Variants in STXBP4 observed in about 807,000 individuals in gnomAD.
STXBP4 encodes syntaxin binding protein 4.
A neutral mutation model predicts 76.1 loss-of-function variants in STXBP4; 55 were observed. That is an observed-to-expected ratio of 0.72 (90% CI 0.58 to 0.91). The LOEUF is 0.91. Ranked by LOEUF, STXBP4 falls within the 40% of genes least tolerant of loss-of-function variation. The probability of loss-of-function intolerance (pLI) is 0.00; values close to 1 mark genes in which losing one functional copy is unlikely to be tolerated. For synonymous variants in STXBP4, 201 were observed against 220.2 expected (o/e 0.91, Z 0.77); for missense variants, 618 against 636.9 (o/e 0.97, Z 0.32).
chr17:55,009,488 T>C (rs927669806), intron 8 of STXBP4, among the ~76,000 whole-genome samples: 1 of 152,214 alleles, frequency 6.6e-6, no homozygotes, highest in African/African-American at 2.4e-5. Context: ...CACATGATAT[T>C]ATTTTTAATC....
At chr17:55,140,468 C>CA (rs979993166) in intron 16 of STXBP4, among the ~76,000 whole-genome samples, 2 of 152,024 alleles carry the variant, frequency 1.3e-5, no homozygotes, top group Non-Finnish European at 2.9e-5. Context: ...AGAACTCATC[C>CA]AAAAATTGGA....
intron 9 of STXBP4, 58 bp from the exon 10 acceptor site, chr17:55,034,110 A>T: frequency 7.8e-7 from 1 of 1,275,718 alleles, no homozygotes; most frequent in Non-Finnish European, 1.1e-6. Context: ...ATATAGAATA[A>T]AGTAAGATTT....
intron 9 of STXBP4, 34 bp from the exon 10 acceptor site, chr17:55,034,134 T>A (rs768734017): frequency 6.5e-7 from 1 of 1,534,744 alleles, no homozygotes; most frequent in South Asian, 1.1e-5. Context: ...AGGGGTTAAA[T>A]GCCATGTTCT....
intron 17 of STXBP4, among the ~76,000 whole-genome samples, chr17:55,146,378 A>G (rs2080153615): frequency 6.6e-6 from 1 of 152,096 alleles, no homozygotes; most frequent in Non-Finnish European, 1.5e-5. Flanking sequence ...TCTCTCATGA[A>G]GTTGTAGTCA....
At chr17:55,104,603 CTT>C (rs2145032240) in intron 16 of STXBP4, among the ~76,000 whole-genome samples, 1 of 152,162 alleles carries the variant, frequency 6.6e-6, no homozygotes, top group African/African-American at 2.4e-5. Flanking sequence ...GTTGTTGTGT[CTT>C]TGCCAGGTTT....
the STXBP4 span, among the ~76,000 whole-genome samples, chr17:55,207,075 C>T: frequency 1.3e-5 from 2 of 152,130 alleles, no homozygotes; most frequent in African/African-American, 4.8e-5. Flanking sequence ...GCTCATACTT[C>T]TGGGGTCCCT....
intron 16 of STXBP4, among the ~76,000 whole-genome samples, chr17:55,117,175 G>A (rs1247179356): frequency 1.3e-5 from 2 of 151,694 alleles, no homozygotes; most frequent in African/African-American, 4.8e-5. Context: ...ATTTTACTAA[G>A]CAATTTTTTT....
chr17:55,095,087 A>T (rs1441513675), intron 16 of STXBP4, among the ~76,000 whole-genome samples: 1 of 152,210 alleles, frequency 6.6e-6, no homozygotes, highest in African/African-American at 2.4e-5. Context: ...GGATTGCAGG[A>T]TGTGTACTAT....
At chr17:55,177,797 A>G (rs1331557534), downstream of STXBP4, among the ~76,000 whole-genome samples, 1 of 152,226 alleles carries the variant, frequency 6.6e-6, no homozygotes, top group Non-Finnish European at 1.5e-5. Flanking sequence ...GACATCTTTT[A>G]TTGTAATGGA....
At chr17:54,984,633 G>A (rs908365463) in intron 1 of STXBP4, among the ~76,000 whole-genome samples, 3 of 151,968 alleles carry the variant, frequency 2.0e-5, no homozygotes, top group African/African-American at 7.3e-5. Context: ...GTGAACCACC[G>A]CACCCGGCCA....
In STXBP4 at chr17:55,081,051, G is replaced by T. The variant is rs372496307; in HGVS notation, c.1357G>T (p.Glu453Ter). 2.3e-5 allele frequency: 34 copies of T among 1,485,964 alleles called. No homozygotes were observed. The highest frequency in any genetic ancestry group is 1.8e-4 in the Middle Eastern group (1 of 5,590). The allele number at this position is 1,485,964 out of a possible 1,614,324, so 92.0% of individuals were successfully genotyped here. ...AACTTTATTTTATTGCCTTCATAGT[G>T]AAAGAAGAGCTGTGTTAGCTTCTCA... ...DNSTPLSNLS[E>*]RRAVLASQTS... Residue 453 changes from glutamate (E) to a stop codon, truncating the protein, a stop_gained and splice_region_variant, in exon 16 of 18, where the codon GAA (glutamate) becomes TAA (stop). Coordinates refer to ENST00000376352, the MANE Select transcript of STXBP4 (RefSeq NM_178509.6). LOFTEE classifies it high-confidence loss of function.
the STXBP4 span, among the ~76,000 whole-genome samples, chr17:55,185,278 TCTCCTTCTC>T: frequency 1.1e-5 from 1 of 89,052 alleles, no homozygotes; most frequent in African/African-American, 4.8e-5. Context: ...TCCTTCTCCT[TCTCCTTCTC>T]CTTCTCCTTC....
intron 4 of STXBP4, 111 bp from the exon 5 acceptor site, chr17:54,999,234 A>G: frequency 1.3e-6 from 1 of 765,756 alleles, no homozygotes; most frequent in Non-Finnish European, 2.1e-6. Flanking sequence ...TTTACTTTTT[A>G]CTCTTTTTGA....
At chr17:55,054,136 G>T (rs2078894760) in intron 12 of STXBP4, among the ~76,000 whole-genome samples, 1 of 151,898 alleles carries the variant, frequency 6.6e-6, no homozygotes, top group Non-Finnish European at 1.5e-5. Flanking sequence ...AATTTAATAA[G>T]ACAAAAAAAT....
At chr17:55,031,103 G>A in intron 8 of STXBP4, 65 bp from the exon 9 acceptor site, 1 of 1,235,706 alleles carries the variant, frequency 8.1e-7, no homozygotes, top group Admixed American at 1.8e-5. Context: ...TGTAAAGTTT[G>A]TAATGAAAAG....
chr17:54,992,884 T>C (rs1023796145), intron 4 of STXBP4, among the ~76,000 whole-genome samples: 1 of 151,970 alleles, frequency 6.6e-6, no homozygotes, highest in Admixed American at 6.6e-5. Flanking sequence ...AACTAATTTT[T>C]GTATTTTTAG....
intron 8 of STXBP4, 51 bp downstream of exon 8, chr17:55,007,648 A>T: frequency 7.1e-7 from 1 of 1,412,024 alleles, no homozygotes; most frequent in Non-Finnish European, 9.9e-7. Context: ...AACAGGAAAG[A>T]AGTATTCTCC....
intron 16 of STXBP4, among the ~76,000 whole-genome samples, chr17:55,084,290 T>C (rs1203792970): frequency 6.6e-6 from 1 of 152,218 alleles, no homozygotes; most frequent in African/African-American, 2.4e-5. Context: ...TTTAGAGAAG[T>C]GTCTGTTCAT....
At chr17:55,098,006 A>G (rs2079514812) in intron 16 of STXBP4, among the ~76,000 whole-genome samples, 1 of 152,116 alleles carries the variant, frequency 6.6e-6, no homozygotes, top group South Asian at 2.1e-4. Flanking sequence ...TATCACCATT[A>G]TCATCATCAT....
Sources: allele counts gnomAD v4.1 joint callset (sites outside exome capture counted in the v4.1 genomes callset), GRCh38; gene constraint gnomAD v4.1.1; transcripts MANE v1.5; gene names NCBI Gene and HGNC (gene_info 2026-07-23, HGNC 2026-07-21).